The following AK5 variants were observed in gnomAD, a reference collection of about 807,000 sequenced individuals.
The protein encoded by AK5 is adenylate kinase 5, also known as adenylate kinase isoenzyme 5.
A neutral mutation model predicts 69.5 loss-of-function variants in AK5; 27 were observed. The observed-to-expected ratio is 0.39, with a 90% CI of 0.29 to 0.54. The LOEUF is 0.54. AK5 is among the 20% of genes least tolerant of loss of function. The probability of loss-of-function intolerance (pLI) is 0.71; values close to 1 mark genes in which losing one functional copy is unlikely to be tolerated. For missense variants in AK5, 531 were observed against 700.4 expected, an observed-to-expected ratio of 0.76 and a Z score of 2.73; for synonymous variants, 260 against 244.4, an observed-to-expected ratio of 1.06 and a Z score of -0.60.
At chr1:77,490,898 C>T (rs1392606749) in intron 10 of AK5, among the ~76,000 whole-genome samples, 1 of 151,082 alleles carries the variant, frequency 6.6e-6, no homozygotes, top group Non-Finnish European at 1.5e-5. Flanking sequence ...GTGACATAAT[C>T]TAAATTCCTA....
At chr1:77,446,327 A>G (rs1253209461) in intron 8 of AK5, among the ~76,000 whole-genome samples, 6 of 152,168 alleles carry the variant, frequency 3.9e-5, no homozygotes, top group Non-Finnish European at 7.3e-5. Context: ...TTTGATTACT[A>G]TAGCTTTGTA....
intron 8 of AK5, among the ~76,000 whole-genome samples, chr1:77,477,513 A>C (rs1655020279): frequency 6.6e-6 from 1 of 152,198 alleles, no homozygotes; most frequent in African/African-American, 2.4e-5. Context: ...AAATCCTCAT[A>C]TGCTAGCATT....
intron 12 of AK5, among the ~76,000 whole-genome samples, chr1:77,524,046 A>C (rs758689417): frequency 2.6e-5 from 4 of 152,142 alleles, no homozygotes; most frequent in Non-Finnish European, 4.4e-5. Flanking sequence ...TCACTATTCT[A>C]GGTACCTCTT....
intron 6 of AK5, among the ~76,000 whole-genome samples, chr1:77,369,920 C>A (rs190988486): frequency 6.6e-6 from 1 of 152,092 alleles, no homozygotes; most frequent in African/African-American, 2.4e-5. Context: ...ACTTTAATGC[C>A]GCTGCCAATA....
chr1:77,304,636 C>G (rs1206665620), intron 5 of AK5, among the ~76,000 whole-genome samples: 6 of 152,140 alleles, frequency 3.9e-5, no homozygotes, highest in African/African-American at 2.4e-5. Context: ...AACTCCAGAC[C>G]TCGGGTGATC....
At chr1:77,495,281 G>A (rs1312149685) in intron 10 of AK5, among the ~76,000 whole-genome samples, 1 of 152,216 alleles carries the variant, frequency 6.6e-6, no homozygotes, top group Non-Finnish European at 1.5e-5. Context: ...AGAAGTTTCT[G>A]TAAAAGCAAG....
chr1:77,335,900 G>A, intron 5 of AK5, among the ~76,000 whole-genome samples: 1 of 152,176 alleles, frequency 6.6e-6, no homozygotes, highest in East Asian at 1.9e-4. Context: ...TGTCTAGTGA[G>A]GGCCTGCTTC....
At position 77,321,814 on chromosome 1, in the gene AK5, G is replaced by A. The variant is rs573349824; in HGVS notation, c.700-18563G>A. ...CTGAGACAAGAAAAAGAAACAAAAG[G>A]CATAATACAGGAAAGGAAGGACTAA... On this transcript the variant is annotated intron_variant, in intron 5 of 13. Coordinates refer to ENST00000354567, the MANE Select transcript of AK5 (RefSeq NM_174858.3). Among the ~76,000 whole-genome samples the A allele has an allele frequency of 3.9e-5, 6 of 152,164 alleles. No individual in the cohort carries two copies. In the South Asian group the frequency reaches 1.0e-3, roughly 26 times the overall value.
At chr1:77,554,555 C>T (rs901902313) in intron 13 of AK5, among the ~76,000 whole-genome samples, 2 of 152,150 alleles carry the variant, frequency 1.3e-5, no homozygotes, top group Admixed American at 1.3e-4. Context: ...GGGCTCTTTG[C>T]CTTGCACTTC....
intron 8 of AK5, among the ~76,000 whole-genome samples, chr1:77,476,668 G>A (rs1252746685): frequency 6.6e-6 from 1 of 152,124 alleles, no homozygotes; most frequent in Non-Finnish European, 1.5e-5. Flanking sequence ...GGCAGAACAT[G>A]GGCTTGGGGA....
chr1:77,446,586 T>C (rs1191478790), intron 8 of AK5, among the ~76,000 whole-genome samples: 1 of 152,202 alleles, frequency 6.6e-6, no homozygotes, highest in Non-Finnish European at 1.5e-5. Context: ...TTTAATTTCC[T>C]TCATCAATAT....
intron 13 of AK5, among the ~76,000 whole-genome samples, chr1:77,543,361 T>G (rs1659375211): frequency 6.6e-6 from 1 of 152,234 alleles, no homozygotes; most frequent in Non-Finnish European, 1.5e-5. Context: ...TTAATTTTGA[T>G]TCTTCTTTCA....
chr1:77,507,119 A>G (rs1657076670), intron 10 of AK5, among the ~76,000 whole-genome samples: 1 of 152,264 alleles, frequency 6.6e-6, no homozygotes, highest in Admixed American at 6.5e-5. Flanking sequence ...CATGGCCTTT[A>G]GTCTAAGTCT....
intron 8 of AK5, among the ~76,000 whole-genome samples, chr1:77,424,076 C>T (rs72681621): frequency 0.067 from 10,183 of 152,230 alleles, 501 homozygotes; most frequent in East Asian, 0.19. Flanking sequence ...AACAATTCCC[C>T]GGCCCCATAC....
At chr1:77,345,551 GA>G (rs1013934270) in intron 6 of AK5, among the ~76,000 whole-genome samples, 1 of 152,186 alleles carries the variant, frequency 6.6e-6, no homozygotes, top group East Asian at 1.9e-4. Context: ...GAAGGCATTA[GA>G]AAAAAACTCC....
intron 8 of AK5, among the ~76,000 whole-genome samples, chr1:77,445,030 T>C (rs1225191250): frequency 1.3e-5 from 2 of 152,206 alleles, no homozygotes; most frequent in African/African-American, 2.4e-5. Context: ...AGATGAATGA[T>C]ATTCTATTGG....
chr1:77,313,767 C>T (rs1001442259), intron 5 of AK5: 4 of 521,116 alleles, frequency 7.7e-6, no homozygotes, highest in African/African-American at 1.9e-5. Context: ...TTCTTAGGAT[C>T]CTGTTACTTC....
At position 77,369,612 on chromosome 1, in the gene AK5, C is replaced by G. The variant is rs1378726519; in HGVS notation, c.891+29044C>G. Among the ~76,000 whole-genome samples, 4 of 152,040 alleles carry G rather than the reference C, an allele frequency of 2.6e-5. No homozygotes were observed. The East Asian group carries it at 7.7e-4, about 29-fold the overall frequency. On this transcript the variant is annotated intron_variant, in intron 6 of 13. Coordinates refer to ENST00000354567, the MANE Select transcript of AK5 (RefSeq NM_174858.3). ...ATGAGAGTTATATTAATTATGGCCT[C>G]TTTATATAATCCGAAGATAAAAATG...
At chr1:77,384,741 A>G (rs1163962962) in intron 6 of AK5, among the ~76,000 whole-genome samples, 1 of 152,250 alleles carries the variant, frequency 6.6e-6, no homozygotes, top group East Asian at 1.9e-4. Context: ...CCCAACAGTC[A>G]CTATGGAAGT....
Sources: gnomAD v4.1 joint callset for allele counts (sites outside exome capture counted in the v4.1 genomes callset) on GRCh38, gnomAD v4.1.1 for gene constraint, MANE v1.5 for transcripts, NCBI Gene and HGNC (gene_info 2026-07-23, HGNC 2026-07-21) for gene names.